Variants in PSMA2 observed in about 807,000 individuals in gnomAD.
The protein encoded by PSMA2 is proteasome subunit alpha type-2.
Under a neutral mutation model 35.9 loss-of-function variants are expected in PSMA2, and 2 were observed. The ratio of observed to expected loss-of-function variants is 0.06; its 90% CI spans 0.02 to 0.18. PSMA2 has a LOEUF of 0.18. Ranked by LOEUF, PSMA2 falls within the 10% of genes least tolerant of loss-of-function variation. The pLI is 1.00. For missense variants in PSMA2, 126 were observed against 278.8 expected, an observed-to-expected ratio of 0.45 and a Z score of 3.90; for synonymous variants, 97 against 98.2, an observed-to-expected ratio of 0.99 and a Z score of 0.07.
At chr7:42,929,264 T>G (rs987627912) in intron 1 of PSMA2, among the ~76,000 whole-genome samples, 1 of 152,208 alleles carries the variant, frequency 6.6e-6, no homozygotes, top group Non-Finnish European at 1.5e-5. Flanking sequence ...TAACATCAAC[T>G]GACATTTAAA....
chr7:42,932,070 T>C lies in PSMA2; in HGVS notation c.41+48A>G, dbSNP rs543303729. On this transcript the variant is annotated intron_variant, in intron 1 of 7. Coordinates refer to ENST00000223321, the MANE Select transcript of PSMA2 (RefSeq NM_002787.5). ...GATGGGAAAAACTAAATCGACAGAG[T>C]ACCAGCAACCTCGACTACGCTGAAG... 2.5e-6 allele frequency: 4 copies of C among 1,611,968 alleles called. No homozygotes were observed. The South Asian group carries it at 4.4e-5, about 18-fold the overall frequency.
chr7:42,924,874 T>G, intron 3 of PSMA2, 77 bp from the exon 4 acceptor site: 1 of 1,412,326 alleles, frequency 7.1e-7, no homozygotes, highest in African/African-American at 1.4e-5. Flanking sequence ...TTTACAGGCA[T>G]GTACCTGCAG....
In PSMA2 at chr7:42,921,870, A is replaced by G. The variant is rs780028037; in HGVS notation, c.518T>C (p.Phe173Ser). Residue 173 changes from phenylalanine to serine, a missense_variant, in exon 6 of 8, where the codon TTC becomes TCC. By Grantham distance (155) the Phe-to-Ser change is radical. Coordinates refer to ENST00000223321, the MANE Select transcript of PSMA2 (RefSeq NM_002787.5). ...MGKNYVNGKTFLEKRYNEDLE... is the reference protein window; with the variant it reads ...MGKNYVNGKTSLEKRYNEDLE... The stretch of plus-strand genomic sequence containing the variant: ...TGAGTAGGCCTACCTTTTCTCAAGG[A>G]AAGTCTTCCCATTCACATAGTTCTT... 3.7e-6 allele frequency: 6 copies of G among 1,612,528 alleles called. No homozygotes were observed. The highest frequency in any genetic ancestry group is 5.1e-6 in the Non-Finnish European group (6 of 1,178,924).
At chr7:42,919,455 G>A (rs1324816451) in intron 6 of PSMA2, 2 of 537,244 alleles carry the variant, frequency 3.7e-6, no homozygotes, top group Non-Finnish European at 7.4e-6. Context: ...AGAACCTGAG[G>A]AAATTAGTGA....
At chr7:42,924,916 G>A (rs1562701937) in intron 3 of PSMA2, 119 bp from the exon 4 acceptor site, 1 of 927,844 alleles carries the variant, frequency 1.1e-6, no homozygotes, top group South Asian at 1.9e-5. Context: ...TTTAATGGTG[G>A]CTATTGGATC....
At position 42,917,460 on chromosome 7, in the gene PSMA2, C is replaced by T. The variant is rs569507270; in HGVS notation, c.*114G>A. ...TTATAAGTGTCATTTTAAAAACAGTCGATTTAAACCATGTAGAAATAAGTA... is the reference window on the plus strand; with the variant it reads ...TTATAAGTGTCATTTTAAAAACAGTTGATTTAAACCATGTAGAAATAAGTA... On this transcript the variant is annotated 3_prime_UTR_variant, in exon 8 of 8. Transcript: ENST00000223321. 11 of 761,662 alleles carry T rather than the reference C, an allele frequency of 1.4e-5. No homozygotes were observed. Among genetic ancestry groups the T allele is most frequent in the South Asian group, 5.7e-5 (3 of 52,610 alleles). 47.2% of individuals were successfully genotyped at this position (761,662 alleles called of 1,614,324 possible). A position where few individuals can be genotyped will look rare whatever the true frequency, so the allele number is the denominator to read the frequency against.
chr7:42,924,607 A>C, intron 4 of PSMA2, 68 bp downstream of exon 4: 1 of 1,497,526 alleles, frequency 6.7e-7, no homozygotes, highest in Non-Finnish European at 9.1e-7. Context: ...CTCTATTTAT[A>C]TACCTACTCT....
chr7:42,926,422 C>CA, intron 3 of PSMA2, 114 bp downstream of exon 3: 5 of 1,295,840 alleles, frequency 3.9e-6, no homozygotes, highest in South Asian at 3.5e-5. Flanking sequence ...ACAAAGCACA[C>CA]AAAAAAAGAG....
At chr7:42,928,066 G>A (rs1448357468) in intron 1 of PSMA2, among the ~76,000 whole-genome samples, 4 of 152,244 alleles carry the variant, frequency 2.6e-5, no homozygotes, top group South Asian at 4.1e-4. Flanking sequence ...TTCTATGCCT[G>A]TTTTCTCACC....
intron 5 of PSMA2, among the ~76,000 whole-genome samples, chr7:42,923,015 A>T (rs1282634853): frequency 6.6e-6 from 1 of 152,204 alleles, no homozygotes; most frequent in Admixed American, 6.5e-5. Context: ...CCAGATCCAC[A>T]TCTTCAATTG....
At chr7:42,927,623 C>T (rs1265046908) in intron 1 of PSMA2, among the ~76,000 whole-genome samples, 164 bp from the exon 2 acceptor site, 1 of 152,188 alleles carries the variant, frequency 6.6e-6, no homozygotes, top group Non-Finnish European at 1.5e-5. Flanking sequence ...ACCAAGTTTA[C>T]AGCTGGGCGC....
chr7:42,919,762 G>A, intron 6 of PSMA2: 1 of 632,794 alleles, frequency 1.6e-6, no homozygotes, highest in East Asian at 2.8e-5. Context: ...ATTTCTTGTT[G>A]CAGGTGGTGA....
intron 6 of PSMA2, chr7:42,920,612 C>A (rs1786111618): frequency 6.6e-6 from 1 of 152,102 alleles, no homozygotes; most frequent in South Asian, 2.1e-4. Context: ...TAAAACAAAT[C>A]ATAACATATC....
At chr7:42,931,167 T>C (rs1378533257) in intron 1 of PSMA2, 2 of 454,936 alleles carry the variant, frequency 4.4e-6, no homozygotes, top group Non-Finnish European at 8.8e-6. Context: ...TGAGATAACA[T>C]TCATTATAGC....
intron 6 of PSMA2, chr7:42,920,651 GAC>G (rs1786112923): frequency 6.6e-6 from 1 of 152,096 alleles, no homozygotes; most frequent in Non-Finnish European, 1.5e-5. Context: ...ATCTTTGGAA[GAC>G]TCATTAATAT....
rs988675517 is a variant in PSMA2, at chr7:42,919,639, G to T, written c.531-1804C>A. On this transcript the variant is annotated intron_variant, in intron 6 of 7. Transcript: ENST00000223321. ...ATATATTTCTGAGGGAGAGATTTTG[G>T]TAATAACTTATGGCTGATCCAGTGC... The T allele has an allele frequency of 1.9e-5, 11 of 569,806 alleles. No homozygotes were observed. In the African/African-American group the frequency reaches 2.1e-4, roughly 11 times the overall value. 35.3% of individuals were successfully genotyped at this position (569,806 alleles called of 1,614,324 possible).
chr7:42,918,093 A>C, intron 6 of PSMA2: 1 of 181,666 alleles, frequency 5.5e-6, no homozygotes, highest in South Asian at 1.3e-4. Flanking sequence ...TTTTTTTGAG[A>C]CACAGTTATC....
rs925442890 is a variant in PSMA2, at chr7:42,931,488, T to C, written c.41+630A>G. ...AAAGTAAACATCCCCCTCCCCGACG[T>C]TCCCCCCAGTCCACCAAAAAAAGAC... On this transcript the variant is annotated intron_variant, in intron 1 of 7. Transcript: ENST00000223321. 4.0e-4 allele frequency among the ~76,000 whole-genome samples: 60 copies of C among 151,018 alleles called. 2 individuals carry two copies. Among genetic ancestry groups the C allele is most frequent in the Admixed American group, 4.0e-4 (6 of 15,046 alleles).
intron 1 of PSMA2, among the ~76,000 whole-genome samples, chr7:42,928,831 A>G (rs1287958613): frequency 6.6e-6 from 1 of 152,108 alleles, no homozygotes; most frequent in African/African-American, 2.4e-5. Context: ...TCTGAAATGC[A>G]TTTCTCTATT....
Sources: allele counts gnomAD v4.1 joint callset (sites outside exome capture counted in the v4.1 genomes callset), GRCh38; gene constraint gnomAD v4.1.1; transcripts MANE v1.5; gene names NCBI Gene and HGNC (gene_info 2026-07-23, HGNC 2026-07-21).